PCDH15: variants seen among roughly 807,000 people sequenced by gnomAD.
PCDH15 encodes the protein protocadherin-15.
PCDH15 carries 129 observed loss-of-function variants against 178.5 expected under a neutral mutation model. The observed-to-expected ratio is 0.72, with a 90% CI of 0.63 to 0.84. The LOEUF (loss-of-function observed/expected upper bound fraction) is 0.84. Ranked by LOEUF, PCDH15 falls within the 40% of genes least tolerant of loss-of-function variation. The probability of loss-of-function intolerance (pLI) is 0.00; values close to 1 mark genes in which losing one functional copy is unlikely to be tolerated. For missense variants in PCDH15, 2,230 were observed against 2,099.9 expected (o/e 1.06, Z -1.21); for synonymous variants, 800 against 732.0 (o/e 1.09, Z -1.50).
At chr10:54,113,060 A>G (rs1024978655) in intron 15 of PCDH15, among the ~76,000 whole-genome samples, 11 of 152,176 alleles carry the variant, frequency 7.2e-5, no homozygotes, top group African/African-American at 2.7e-4. Flanking sequence ...ATATTAGCAT[A>G]TTTTGTGGTG....
chr10:53,995,455 G>T (rs2091783395), intron 21 of PCDH15, 194 bp downstream of exon 21: 1 of 929,322 alleles, frequency 1.1e-6, no homozygotes, highest in Non-Finnish European at 1.6e-6. Flanking sequence ...CATATTCTTT[G>T]TCTAGGTTCA....
chr10:55,377,118 ATTAAC>A, intron 2 of PCDH15, among the ~76,000 whole-genome samples: 1 of 149,968 alleles, frequency 6.7e-6, no homozygotes, highest in South Asian at 2.1e-4. Flanking sequence ...CTTCTTGGCT[ATTAAC>A]TTTGTGATAA....
intron 8 of PCDH15, among the ~76,000 whole-genome samples, chr10:54,311,846 T>G (rs9416306): frequency 0.51 from 77,788 of 151,844 alleles, 20,571 homozygotes; most frequent in Middle Eastern, 0.61. Flanking sequence ...AATTTTGATA[T>G]AAAGCGATTT....
At chr10:54,587,579 A>G (rs1403614470) in intron 2 of PCDH15, among the ~76,000 whole-genome samples, 1 of 152,188 alleles carries the variant, frequency 6.6e-6, no homozygotes, top group Non-Finnish European at 1.5e-5. Context: ...GAGATACTTA[A>G]CAATATTGAA....
At chr10:54,606,649 A>G (rs2092754911) in intron 2 of PCDH15, 1 of 152,146 alleles carries the variant, frequency 6.6e-6, no homozygotes, top group African/African-American at 2.4e-5. Context: ...TGCAGGCTAG[A>G]AAAATTAGTA....
At chr10:54,876,169 C>A (rs1954139463) in intron 3 of PCDH15, among the ~76,000 whole-genome samples, 1 of 152,042 alleles carries the variant, frequency 6.6e-6, no homozygotes, top group African/African-American at 2.4e-5. Context: ...AACAATGAAG[C>A]CTGGATGACA....
At chr10:55,489,195 ATAAGAT>A (rs1396885844) in intron 2 of PCDH15, among the ~76,000 whole-genome samples, 1 of 151,582 alleles carries the variant, frequency 6.6e-6, no homozygotes, top group Non-Finnish European at 1.5e-5. Flanking sequence ...AAATTTAGTT[ATAAGAT>A]TAAAAGTCAA....
At chr10:55,534,959 A>G (rs1841538129) in intron 2 of PCDH15, among the ~76,000 whole-genome samples, 1 of 152,124 alleles carries the variant, frequency 6.6e-6, no homozygotes, top group Non-Finnish European at 1.5e-5. Flanking sequence ...CAATTAACAC[A>G]GAAACAGAAA....
intron 2 of PCDH15, among the ~76,000 whole-genome samples, chr10:54,988,506 C>T (rs1357046250): frequency 1.3e-5 from 2 of 152,098 alleles, no homozygotes; most frequent in Non-Finnish European, 2.9e-5. Flanking sequence ...AAAGCCCAGG[C>T]TGAGGTGGTC....
intron 1 of PCDH15, among the ~76,000 whole-genome samples, chr10:54,788,120 A>G (rs2133511234): frequency 6.6e-6 from 1 of 151,876 alleles, no homozygotes; most frequent in South Asian, 2.1e-4. Context: ...GGAAGGTTTG[A>G]CTCTAAAGCT....
chr10:54,792,905 A>G (rs1424029159), intron 1 of PCDH15, among the ~76,000 whole-genome samples: 6 of 151,796 alleles, frequency 4.0e-5, no homozygotes, highest in Non-Finnish European at 8.8e-5. Flanking sequence ...TACCAGAAAG[A>G]AGGAAATGTA....
intron 28 of PCDH15, among the ~76,000 whole-genome samples, chr10:53,848,972 A>G (rs1052911684): frequency 6.6e-6 from 1 of 152,246 alleles, no homozygotes; most frequent in Non-Finnish European, 1.5e-5. Context: ...TATATTTTTA[A>G]TCTGGGAAGA....
chr10:54,059,442 T>C (rs1194548188), intron 18 of PCDH15, among the ~76,000 whole-genome samples: 2 of 152,340 alleles, frequency 1.3e-5, no homozygotes, highest in African/African-American at 2.4e-5. Flanking sequence ...ACATAATACA[T>C]AAAAGAATTT....
intron 2 of PCDH15, among the ~76,000 whole-genome samples, chr10:55,530,433 T>C (rs1589114623): frequency 6.6e-6 from 1 of 151,988 alleles, no homozygotes; most frequent in Non-Finnish European, 1.5e-5. Context: ...ACCAAATCTT[T>C]CCCTCTTGTG....
chr10:55,529,995 C>A (rs970581267), intron 2 of PCDH15, among the ~76,000 whole-genome samples: 1 of 151,030 alleles, frequency 6.6e-6, no homozygotes, highest in Non-Finnish European at 1.5e-5. Flanking sequence ...CATAAAAAAA[C>A]AATTACCTGA....
intron 1 of PCDH15, among the ~76,000 whole-genome samples, chr10:54,687,018 AT>A (rs2095024540): frequency 6.6e-6 from 1 of 152,194 alleles, no homozygotes; most frequent in African/African-American, 2.4e-5. Flanking sequence ...CAATAGATAT[AT>A]TTAAAAATGT....
intron 28 of PCDH15, among the ~76,000 whole-genome samples, chr10:53,856,173 G>A (rs2078731199): frequency 6.6e-6 from 1 of 151,528 alleles, no homozygotes; most frequent in East Asian, 2.0e-4. Context: ...GTTGGGTACA[G>A]TGTACACTGC....
rs142974733 is a variant in PCDH15, at chr10:55,199,914, C to T, written c.-155-33263G>A. ...AAGAATTAAGGTTTGGTAGCCTCCA[C>T]CTAGATTTCAGAGGATGTATGGAAA... is the stretch of plus-strand genomic sequence containing the variant. On this transcript the variant is annotated intron_variant, in intron 1 of 5. Transcript: ENST00000458638. Among the ~76,000 whole-genome samples the T allele has an allele frequency of 1.7e-3, 259 of 152,232 alleles. 3 individuals carry two copies. The highest frequency in any genetic ancestry group is 5.8e-3 in the African/African-American group (242 of 41,510).
intron 2 of PCDH15, among the ~76,000 whole-genome samples, chr10:55,082,338 T>C (rs907242496): frequency 6.6e-6 from 1 of 151,594 alleles, no homozygotes; most frequent in East Asian, 1.9e-4. Flanking sequence ...TGAAAAAAAT[T>C]AGAAGAAAAT....
Sources: gnomAD v4.1 joint callset for allele counts (sites outside exome capture counted in the v4.1 genomes callset) on GRCh38, gnomAD v4.1.1 for gene constraint, MANE v1.5 for transcripts, NCBI Gene and HGNC (gene_info 2026-07-23, HGNC 2026-07-21) for gene names.